Variants in LRRN1 observed in about 807,000 individuals in gnomAD.
LRRN1 encodes the protein leucine rich repeat neuronal 1.
LRRN1 carries 14 observed loss-of-function variants against 45.8 expected under a neutral mutation model. The observed-to-expected ratio is 0.31, with a 90% confidence interval of 0.20 to 0.48. The LOEUF (loss-of-function observed/expected upper bound fraction) is 0.48. Among genes scored for constraint, LRRN1 ranks in the 20% least tolerant of loss-of-function variants. LRRN1 has a pLI of 0.99. For missense variants in LRRN1, 789 were observed against 874.2 expected, an observed-to-expected ratio of 0.90 and a Z score of 1.23; for synonymous variants, 359 against 330.1, an observed-to-expected ratio of 1.09 and a Z score of -0.95.
intron 1 of LRRN1, among the ~76,000 whole-genome samples, chr3:3,817,219 A>G (rs1693006758): frequency 1.3e-5 from 2 of 152,198 alleles, no homozygotes; most frequent in African/African-American, 4.8e-5. Context: ...GGTTTCAACA[A>G]GCAGGCACAC....
In LRRN1 at chr3:3,846,134, CAT is replaced by C. The variant is rs745899284; in HGVS notation, c.1494_1495del (p.Val500CysfsTer15). 1.2e-6 allele frequency: 2 copies of C among 1,614,102 alleles called. No homozygotes were observed. The highest frequency in any genetic ancestry group is 1.7e-6 in the Non-Finnish European group (2 of 1,180,024). ...CAAATTGAAGACTCAGGAAGATACA[CAT>C]GTGTTGCCCAGAATGTCCAAGGGGC... is the stretch of plus-strand genomic sequence containing the variant. On this transcript the variant is annotated frameshift_variant, in exon 2 of 2. Coordinates refer to ENST00000319331, the MANE Select transcript of LRRN1 (RefSeq NM_020873.7). LOFTEE classifies it high-confidence loss of function. The surrounding 1 kb of genome is among the most constrained non-coding windows in gnomAD (Gnocchi z 5.7).
chr3:3,806,380 G>C (rs1692758813), intron 1 of LRRN1, among the ~76,000 whole-genome samples: 1 of 152,182 alleles, frequency 6.6e-6, no homozygotes, highest in South Asian at 2.1e-4. Context: ...AAACAGACTG[G>C]TTAATTCACA....
intron 1 of LRRN1, among the ~76,000 whole-genome samples, chr3:3,804,545 G>A (rs963942581): frequency 3.3e-5 from 5 of 152,166 alleles, no homozygotes; most frequent in African/African-American, 1.2e-4. Context: ...TAAAATCTAT[G>A]GAGTGAAAAC....
Position 3,844,637 on chromosome 3 carries a change from C to A in LRRN1, c.-5C>A. On this transcript the variant is annotated 5_prime_UTR_variant, in exon 2 of 2. Coordinates refer to ENST00000319331, the MANE Select transcript of LRRN1 (RefSeq NM_020873.7). ...TCAGGAGTTGAGCTTGCTCAGCAAG[C>A]CAGCATGGCTAGGATGAGCTTTGTT... 6.9e-6 allele frequency: 11 copies of A among 1,603,048 alleles called. No individual in the cohort carries two copies. The highest frequency in any genetic ancestry group is 9.4e-6 in the Non-Finnish European group (11 of 1,173,130).
intron 1 of LRRN1, among the ~76,000 whole-genome samples, chr3:3,817,056 C>T (rs1559288512): frequency 6.6e-6 from 1 of 152,128 alleles, no homozygotes; most frequent in Non-Finnish European, 1.5e-5. Flanking sequence ...CACCACCTGC[C>T]ATCTATAAGC....
At chr3:3,827,518 CAAG>C (rs1387531302) in intron 1 of LRRN1, 1 of 456,116 alleles carries the variant, frequency 2.2e-6, no homozygotes, top group African/African-American at 2.0e-5. Flanking sequence ...CTCTGTAAGG[CAAG>C]AAGGAAATCT....
At chr3:3,823,428 TA>T (rs1693147609) in intron 1 of LRRN1, among the ~76,000 whole-genome samples, 2 of 152,004 alleles carry the variant, frequency 1.3e-5, no homozygotes, top group Non-Finnish European at 2.9e-5. Context: ...AAGGTTAGGT[TA>T]AAAGAAGAAA....
chr3:3,827,626 A>C, intron 1 of LRRN1: 1 of 396,438 alleles, frequency 2.5e-6, no homozygotes, highest in South Asian at 1.8e-5. Context: ...ATCTATTTGG[A>C]GCCTGAGAAA....
At chr3:3,828,808 G>A (rs1042101989) in intron 1 of LRRN1, among the ~76,000 whole-genome samples, 3 of 152,068 alleles carry the variant, frequency 2.0e-5, no homozygotes, top group Non-Finnish European at 4.4e-5. Flanking sequence ...GTATATACAG[G>A]CACAAACGTG....
In LRRN1 at chr3:3,844,856, G is replaced by A; in HGVS notation, c.215G>A (p.Ser72Asn). Reference sequence around the variant, plus strand: ...ACAAGGATTCCCAGTAACCTCTCTAGTGACACACAAGTGCTTCTCTTACAG... The same window carrying A: ...ACAAGGATTCCCAGTAACCTCTCTAATGACACACAAGTGCTTCTCTTACAG... The part of the protein sequence containing the change: ...RLTRIPSNLS[S>N]DTQVLLLQSN... The change falls in exon 2 of 2, where the codon AGT (serine) becomes AAT (asparagine). Residue 72 changes from serine to asparagine, a missense_variant. Ser to Asn is a conservative substitution (Grantham distance 46). Coordinates refer to ENST00000319331, the MANE Select transcript of LRRN1 (RefSeq NM_020873.7). 1 of 1,614,180 alleles carries A rather than the reference G, an allele frequency of 6.2e-7. No individual in the cohort carries two copies. Among genetic ancestry groups the A allele is most frequent in the Non-Finnish European group, 8.5e-7 (1 of 1,180,030 alleles).
intron 1 of LRRN1, among the ~76,000 whole-genome samples, chr3:3,841,043 T>C (rs1693641232): frequency 6.6e-6 from 1 of 152,192 alleles, no homozygotes; most frequent in Non-Finnish European, 1.5e-5. Flanking sequence ...CTCACACCTG[T>C]AATCCCAGCA....
chr3:3,819,986 G>A (rs187639745), intron 1 of LRRN1, among the ~76,000 whole-genome samples: 20 of 152,252 alleles, frequency 1.3e-4, no homozygotes, highest in Admixed American at 7.2e-4. Flanking sequence ...TGTTGACTCC[G>A]AAGCCTATGC....
Position 3,799,580 on chromosome 3 carries a change from C to T in LRRN1, c.-618C>T, listed in dbSNP as rs1206494129. On this transcript the variant is annotated 5_prime_UTR_variant, in exon 1 of 2. Transcript: ENST00000319331. Reference sequence around the variant, plus strand: ...CGGCATCCCTAGGCGCCTGGGGCGCCTTCCTCCGGACCTGGCCGCTCGCTG... The same window carrying T: ...CGGCATCCCTAGGCGCCTGGGGCGCTTTCCTCCGGACCTGGCCGCTCGCTG... 6.6e-6 allele frequency: 1 copy of T among 152,180 alleles called. No homozygotes were observed. Among genetic ancestry groups the T allele is most frequent in the Non-Finnish European group, 1.5e-5 (1 of 68,064 alleles). The allele number at this position is 152,180 out of a possible 1,614,324, so 9.4% of individuals were successfully genotyped here.
At chr3:3,801,829 G>A (rs915273801) in intron 1 of LRRN1, among the ~76,000 whole-genome samples, 3 of 152,196 alleles carry the variant, frequency 2.0e-5, no homozygotes, top group African/African-American at 7.2e-5. Context: ...GTTAGGAAAA[G>A]GTTTGTGTGA....
intron 1 of LRRN1, among the ~76,000 whole-genome samples, chr3:3,829,262 A>AG (rs1693311188): frequency 6.6e-6 from 1 of 152,134 alleles, no homozygotes; most frequent in South Asian, 2.1e-4. Flanking sequence ...CTGTTGACTT[A>AG]AAGGTAGAGG....
At chr3:3,822,054 A>G (rs1307265142) in intron 1 of LRRN1, among the ~76,000 whole-genome samples, 1 of 152,234 alleles carries the variant, frequency 6.6e-6, no homozygotes, top group Non-Finnish European at 1.5e-5. Context: ...TTCTGGCATC[A>G]GATGCCTGGA....
intron 1 of LRRN1, among the ~76,000 whole-genome samples, chr3:3,831,146 C>G (rs1693364150): frequency 6.6e-6 from 1 of 152,170 alleles, no homozygotes; most frequent in Non-Finnish European, 1.5e-5. Flanking sequence ...CTGGCAGCCT[C>G]TCAGTTCACT....
chr3:3,841,621 C>T (rs527912583), intron 1 of LRRN1, among the ~76,000 whole-genome samples: 9 of 152,104 alleles, frequency 5.9e-5, no homozygotes, highest in South Asian at 4.2e-4. Context: ...CAGGTTCAAG[C>T]GATTCTCCTG....
At chr3:3,843,551 T>C (rs1480521689) in intron 1 of LRRN1, among the ~76,000 whole-genome samples, 2 of 151,248 alleles carry the variant, frequency 1.3e-5, no homozygotes, top group Non-Finnish European at 1.5e-5. Context: ...TTGTAGCCTT[T>C]AGCACCCTTC....
Sources: allele counts gnomAD v4.1 joint callset (sites outside exome capture counted in the v4.1 genomes callset), GRCh38; gene constraint gnomAD v4.1.1; non-coding constraint Gnocchi (gnomAD v3.1); transcripts MANE v1.5; gene names NCBI Gene and HGNC (gene_info 2026-07-23, HGNC 2026-07-21).